Variants in PLXDC2 observed in about 807,000 individuals in gnomAD.
The protein encoded by PLXDC2 is plexin domain-containing protein 2.
In PLXDC2, 40 loss-of-function variants were observed where a neutral mutation model predicts 68.9. That is an observed-to-expected ratio of 0.58 (90% CI 0.45 to 0.76). The LOEUF is 0.76. Among genes scored for constraint, PLXDC2 ranks in the 30% least tolerant of loss-of-function variants. The pLI, the probability that PLXDC2 is intolerant of heterozygous loss-of-function variation, is 0.00. For synonymous variants in PLXDC2, 243 were observed against 234.2 expected, an observed-to-expected ratio of 1.04 and a Z score of -0.34; for missense variants, 644 against 661.9, an observed-to-expected ratio of 0.97 and a Z score of 0.30.
chr10:19,849,793 T>C (rs1217753347), intron 1 of PLXDC2, among the ~76,000 whole-genome samples: 1 of 152,040 alleles, frequency 6.6e-6, no homozygotes, highest in Non-Finnish European at 1.5e-5. Context: ...GTTATCCTAT[T>C]TGAATGGATG....
intron 2 of PLXDC2, among the ~76,000 whole-genome samples, chr10:20,038,716 C>A (rs1198428028): frequency 1.3e-5 from 2 of 152,038 alleles, no homozygotes; most frequent in Non-Finnish European, 2.9e-5. Flanking sequence ...TCTTTAGCAA[C>A]CCAGTGAAAG....
intron 12 of PLXDC2, among the ~76,000 whole-genome samples, chr10:20,239,425 G>A (rs184445064): frequency 2.4e-3 from 360 of 152,288 alleles, no homozygotes; most frequent in Non-Finnish European, 4.2e-3. Flanking sequence ...CATGGCTGGG[G>A]AGGCCTCAGG....
intron 12 of PLXDC2, 45 bp from the exon 13 acceptor site, chr10:20,245,300 G>C: frequency 6.5e-7 from 1 of 1,540,760 alleles, no homozygotes; most frequent in South Asian, 1.3e-5. Context: ...ATGCAAACTT[G>C]AGGGTAAACT....
chr10:20,142,762 A>C (rs1227463808), intron 4 of PLXDC2, among the ~76,000 whole-genome samples: 1 of 151,996 alleles, frequency 6.6e-6, no homozygotes, highest in African/African-American at 2.4e-5. Context: ...AACAATTTGA[A>C]AACGTCACCA....
intron 6 of PLXDC2, among the ~76,000 whole-genome samples, chr10:20,157,018 C>G (rs577017429): frequency 6.6e-6 from 1 of 152,278 alleles, no homozygotes; most frequent in South Asian, 2.1e-4. Flanking sequence ...CTCCTGGGCT[C>G]GAGTGATTCT....
chr10:20,152,735 T>C (rs1834167593), intron 6 of PLXDC2, among the ~76,000 whole-genome samples: 1 of 152,186 alleles, frequency 6.6e-6, no homozygotes, highest in African/African-American at 2.4e-5. Context: ...CTAAATGTCT[T>C]ACAGGTCTGT....
intron 4 of PLXDC2, among the ~76,000 whole-genome samples, chr10:20,075,487 G>A (rs930606549): frequency 5.3e-5 from 8 of 152,140 alleles, no homozygotes; most frequent in African/African-American, 1.9e-4. Flanking sequence ...ACTGCGCCAA[G>A]CTATGTTGTT....
rs1276384039 is a variant in PLXDC2 at position 19,817,018 on chromosome 10, T to G, written c.-62T>G. 1.5e-6 allele frequency: 2 copies of G among 1,316,570 alleles called. No homozygotes were observed. Among genetic ancestry groups the G allele is most frequent in the East Asian group, 5.0e-5 (2 of 39,776 alleles). The allele number at this position is 1,316,570 out of a possible 1,614,324, so 81.6% of individuals were successfully genotyped here. ...GTTTGGCCCGGTCGTGCCTATTGCA[T>G]CGGGAGCCCCCGAGCACCGGCGAAG... is the stretch of plus-strand genomic sequence containing the variant. On this transcript the variant is annotated 5_prime_UTR_variant, in exon 1 of 14. Transcript: ENST00000377252.
chr10:19,951,363 C>G (rs988393446), intron 1 of PLXDC2, among the ~76,000 whole-genome samples: 10 of 152,024 alleles, frequency 6.6e-5, no homozygotes, highest in Admixed American at 2.6e-4. Context: ...AAGAAACAAA[C>G]ACATACACAC....
chr10:20,253,609 G>A (rs1835706903), intron 13 of PLXDC2, among the ~76,000 whole-genome samples: 1 of 151,966 alleles, frequency 6.6e-6, no homozygotes, highest in Non-Finnish European at 1.5e-5. Flanking sequence ...AGCAAAATCA[G>A]GATACCAAAG....
intron 3 of PLXDC2, among the ~76,000 whole-genome samples, chr10:20,066,116 A>G (rs192155499): frequency 6.6e-6 from 1 of 152,228 alleles, no homozygotes; most frequent in East Asian, 1.9e-4. Context: ...TCATGATTCC[A>G]TATCAGAGTG....
chr10:20,169,788 C>T (rs1834422700), intron 7 of PLXDC2, among the ~76,000 whole-genome samples: 1 of 152,156 alleles, frequency 6.6e-6, no homozygotes, highest in Non-Finnish European at 1.5e-5. Flanking sequence ...CACTCCCATG[C>T]AGGGCCTTGC....
intron 6 of PLXDC2, among the ~76,000 whole-genome samples, chr10:20,162,953 C>T (rs147472000): frequency 0.011 from 1,655 of 148,442 alleles, 117 homozygotes; most frequent in Admixed American, 0.094. Flanking sequence ...TGGTGACACA[C>T]GCCTGTAATC....
chr10:20,020,382 G>A (rs1589590267), intron 2 of PLXDC2, among the ~76,000 whole-genome samples: 1 of 151,914 alleles, frequency 6.6e-6, no homozygotes, highest in Admixed American at 6.6e-5. Context: ...TTCACTCCCA[G>A]TTCCTCATGG....
rs556641756 is a variant in PLXDC2, at chr10:20,224,995, C to A, written c.1312+5893C>A. On this transcript the variant is annotated intron_variant, in intron 12 of 13. Coordinates refer to ENST00000377252, the MANE Select transcript of PLXDC2 (RefSeq NM_032812.9). ...GAATGGTGTCCCCATCAAGGAGATA[C>A]CAAAGTTGATATGTTAAGCAGTTTG... is the stretch of plus-strand genomic sequence containing the variant. Among the ~76,000 whole-genome samples, 58 of 152,162 alleles carry A rather than the reference C, an allele frequency of 3.8e-4. No homozygotes were observed. The Middle Eastern group carries it at 0.01, about 27-fold the overall frequency.
chr10:20,285,568 A>G lies in PLXDC2; in HGVS notation c.*5749A>G, dbSNP rs775356442. 3 of 152,168 alleles carry G rather than the reference A, an allele frequency of 2.0e-5. No homozygotes were observed. The highest frequency in any genetic ancestry group is 4.4e-5 in the Non-Finnish European group (3 of 68,020). 9.4% of individuals were successfully genotyped at this position (152,168 alleles called of 1,614,324 possible). A position where few individuals can be genotyped will look rare whatever the true frequency, so the allele number is the denominator to read the frequency against. ...ATATCACTGCATGTCTGTGCTGTAG[A>G]CCTGTTAATTTTATCTGTGAGAAAA... is the stretch of plus-strand genomic sequence containing the variant. On this transcript the variant is annotated 3_prime_UTR_variant, in exon 14 of 14. Coordinates refer to ENST00000377252, the MANE Select transcript of PLXDC2 (RefSeq NM_032812.9).
chr10:20,195,944 A>G (rs1834831503), intron 9 of PLXDC2, among the ~76,000 whole-genome samples: 1 of 152,140 alleles, frequency 6.6e-6, no homozygotes, highest in African/African-American at 2.4e-5. Context: ...TCCTTTGTCC[A>G]AGGCACCAAC....
rs954382430 is a variant in PLXDC2 at position 19,844,469 on chromosome 10, T to G, written c.112+27278T>G. Among the ~76,000 whole-genome samples, 12 of 152,298 alleles carry G rather than the reference T, an allele frequency of 7.9e-5. No homozygotes were observed. The South Asian group carries it at 2.5e-3, about 32-fold the overall frequency. ...TTACAAACCACCGGACACTCACAAA[T>G]AGAGGAGGGTCTTGCTTTTCAAAGG... On this transcript the variant is annotated intron_variant, in intron 1 of 13. Coordinates refer to ENST00000377252, the MANE Select transcript of PLXDC2 (RefSeq NM_032812.9).
rs145969710 is a variant in PLXDC2 at position 19,850,194 on chromosome 10, A to G, written c.112+33003A>G. On this transcript the variant is annotated intron_variant, in intron 1 of 13. Transcript: ENST00000377252. ...GACTTCACTGACATAATTGCTTTAC[A>G]TGTCAATTTCCTTGTCCTGTGTAGT... 1.6e-4 allele frequency among the ~76,000 whole-genome samples: 24 copies of G among 151,896 alleles called. No homozygotes were observed. The East Asian group carries it at 4.5e-3, about 28-fold the overall frequency.
Sources: allele counts gnomAD v4.1 joint callset (sites outside exome capture counted in the v4.1 genomes callset), GRCh38; gene constraint gnomAD v4.1.1; transcripts MANE v1.5; gene names NCBI Gene and HGNC (gene_info 2026-07-23, HGNC 2026-07-21).